The following MIB2 variants were observed in gnomAD, a reference collection of about 807,000 sequenced individuals.
MIB2 encodes the protein E3 ubiquitin-protein ligase MIB2.
A neutral mutation model predicts 96.6 loss-of-function variants in MIB2; 78 were observed. The ratio of observed to expected loss-of-function variants is 0.81; its 90% confidence interval spans 0.67 to 0.97. The LOEUF (loss-of-function observed/expected upper bound fraction) is 0.97, where lower values mean the gene tolerates loss of function less well. Among genes scored for constraint, MIB2 ranks in the 50% least tolerant of loss-of-function variants. MIB2 has a pLI of 0.00. For synonymous variants in MIB2, 820 were observed against 629.5 expected, an observed-to-expected ratio of 1.30 and a Z score of -4.53; for missense variants, 1,543 against 1,424.0, an observed-to-expected ratio of 1.08 and a Z score of -1.35.
chr1:1,615,778 G>A lies in MIB2; in HGVS notation c.-130+145G>A, dbSNP rs915691870. 1.1e-4 allele frequency: 150 copies of A among 1,391,620 alleles called. 3 individuals carry two copies. In the South Asian group the frequency reaches 1.7e-3, roughly 15 times the overall value. 86.2% of individuals were successfully genotyped at this position (1,391,620 alleles called of 1,614,324 possible). A position where few individuals can be genotyped will look rare whatever the true frequency, so the allele number is the denominator to read the frequency against. ...TGGACTCGGCGTAGGGTCCGCACGG[G>A]ATGGGCTGGGGCTGCGCGCGCAGCG... On this transcript the variant is annotated intron_variant, in intron 1 of 19. Transcript: ENST00000355826.
rs1328357873 is a variant in MIB2, at chr1:1,627,222, C to G, written c.1374+15C>G. 1.9e-6 allele frequency: 3 copies of G among 1,610,034 alleles called. No homozygotes were observed. The highest frequency in any genetic ancestry group is 2.5e-6 in the Non-Finnish European group (3 of 1,178,636). ...GCCCAGAGCAGGCAAGCTCCTGACCCCGTCCTCCCATACTGGCCAGTCTGA... is the reference window on the plus strand; with the variant it reads ...GCCCAGAGCAGGCAAGCTCCTGACCGCGTCCTCCCATACTGGCCAGTCTGA... On this transcript the variant is annotated intron_variant, in intron 11 of 19. Coordinates refer to ENST00000355826, the MANE Select transcript of MIB2 (RefSeq NM_001170687.4).
In MIB2 at chr1:1,623,503, C is replaced by T. The variant is rs368631060; in HGVS notation, c.51C>T (p.Arg17=). 54 of 1,566,322 alleles carry T rather than the reference C, an allele frequency of 3.4e-5. 1 individual carries two copies. Among genetic ancestry groups the T allele is most frequent in the Middle Eastern group, 1.9e-4 (1 of 5,228 alleles). The change falls in exon 3 of 20, where the codon CGC becomes CGT. Residue 17 remains arginine, a synonymous_variant. Coordinates refer to ENST00000355826, the MANE Select transcript of MIB2 (RefSeq NM_001170687.4). ...AGVQVGMRVV[R]GVDWKWGQQD... ...TGCAGGTGGGCATGCGGGTGGTGCG[C>T]GGCGTGGACTGGAAGTGGGGCCAGC...
rs971397482 is a variant in MIB2, at chr1:1,615,986, G to A, written c.-130+353G>A. 4.9e-5 allele frequency: 48 copies of A among 985,236 alleles called. No homozygotes were observed. The African/African-American group carries it at 8.2e-4, about 17-fold the overall frequency. The allele number at this position is 985,236 out of a possible 1,614,324, so 61.0% of individuals were successfully genotyped here. A position where few individuals can be genotyped will look rare whatever the true frequency, so the allele number is the denominator to read the frequency against. ...GGCCTGGCCGCCGCTGAGCAGTCGG[G>A]GCCGGTGGGTGGCCTCGAACGCCGG... On this transcript the variant is annotated intron_variant, in intron 1 of 19. Transcript: ENST00000355826.
At position 1,616,554 on chromosome 1, in the gene MIB2, C is replaced by G. The variant is rs1023762700; in HGVS notation, c.-83C>G. 1 of 1,603,630 alleles carries G rather than the reference C, an allele frequency of 6.2e-7. No individual in the cohort carries two copies. Among genetic ancestry groups the G allele is most frequent in the African/African-American group, 1.3e-5 (1 of 74,544 alleles). ...AGAGGCCAGTCCCAAAGTTTCCAGG[C>G]ATCAGGGCTGCAGCCCAGGAGCCTC... On this transcript the variant is annotated 5_prime_UTR_variant, in exon 2 of 20. Coordinates refer to ENST00000355826, the MANE Select transcript of MIB2 (RefSeq NM_001170687.4).
upstream of MIB2, chr1:1,615,152 C>T: frequency 2.5e-6 from 1 of 404,298 alleles, no homozygotes; most frequent in East Asian, 4.9e-5. Flanking sequence ...GAGGACGGGC[C>T]CGGACTGCCG....
chr1:1,628,515 C>T lies in MIB2; in HGVS notation c.1995C>T (p.Asn665=). 6.2e-7 allele frequency: 1 copy of T among 1,600,730 alleles called. No individual in the cohort carries two copies. The highest frequency in any genetic ancestry group is 1.1e-5 in the South Asian group (1 of 90,556). Residue 665 remains asparagine (N), a synonymous_variant, in exon 16 of 20, where the codon AAC becomes AAT. Transcript: ENST00000355826. ...GCCGCTGTGACGTGAACGTGCGCAA[C>T]CGGAAGCTGCAGTCCCCGCTGCATC... The part of the protein sequence containing the change: ...REGRCDVNVR[N]RKLQSPLHLA...
chr1:1,628,693 G>C lies in MIB2; in HGVS notation c.2173G>C (p.Asp725His), dbSNP rs199708127. Residue 725 changes from aspartate to histidine, a missense_variant, in exon 16 of 20, where the codon GAC becomes CAC. Transcript: ENST00000355826. ...CCTGGTGGCTGATGGGGCCGGGGGG[G>C]ACCCAGGGCCCTTGCAGCTGCTGTC... ...LPLVADGAGGDPGPLQLLSRL... is the reference protein window; with the variant it reads ...LPLVADGAGGHPGPLQLLSRL... The C allele has an allele frequency of 2.9e-4, 447 of 1,564,870 alleles. 2 individuals are homozygous for C. Among genetic ancestry groups the C allele is most frequent in the Middle Eastern group, 6.8e-4 (3 of 4,414 alleles).
At chr1:1,622,284 T>G (rs1644329297) in intron 2 of MIB2, among the ~76,000 whole-genome samples, 1 of 152,138 alleles carries the variant, frequency 6.6e-6, no homozygotes, top group Non-Finnish European at 1.5e-5. Flanking sequence ...CAGGCTGGAG[T>G]GTAGTGGTGC....
At position 1,628,861 on chromosome 1, in the gene MIB2, G is replaced by C. The variant is rs912334415; in HGVS notation, c.2202+139G>C. ...GGCGTTCTGGGGGTGGAGCAGATGG[G>C]AGCCAAGTTCTATGTGATCCTTCAG... On this transcript the variant is annotated intron_variant, in intron 16 of 19. Coordinates refer to ENST00000355826, the MANE Select transcript of MIB2 (RefSeq NM_001170687.4). The C allele has an allele frequency of 4.2e-5, 35 of 837,844 alleles. No individual in the cohort carries two copies. In the African/African-American group the frequency reaches 5.7e-4, roughly 14 times the overall value. The allele number at this position is 837,844 out of a possible 1,614,324, so 51.9% of individuals were successfully genotyped here.
At position 1,627,366 on chromosome 1, in the gene MIB2, G is replaced by A. The variant is rs766918869; in HGVS notation, c.1445G>A (p.Arg482Gln). The change falls in exon 12 of 20, where the codon CGG becomes CAG. Residue 482 changes from arginine (R) to glutamine (Q), a missense_variant. Arg to Gln is a conservative substitution (Grantham distance 43). Coordinates refer to ENST00000355826, the MANE Select transcript of MIB2 (RefSeq NM_001170687.4). ...AAYLGQVELI[R>Q]LLLQARAGVD... ...TACCTGGGCCAGGTGGAGTTGATAC[G>A]GCTGCTGCTACAAGCCAGGGCGGGC... is the stretch of plus-strand genomic sequence containing the variant. 3.2e-5 allele frequency: 52 copies of A among 1,612,934 alleles called. No homozygotes were observed. Among genetic ancestry groups the A allele is most frequent in the Non-Finnish European group, 2.3e-5 (27 of 1,179,970 alleles).
chr1:1,627,385 G>T lies in MIB2; in HGVS notation c.1464G>T (p.Arg488Ser), dbSNP rs559132846. 6.2e-7 allele frequency: 1 copy of T among 1,613,044 alleles called. No homozygotes were observed. The highest frequency in any genetic ancestry group is 1.3e-5 in the African/African-American group (1 of 75,054). Residue 488 changes from arginine (R) to serine (S), a missense_variant, in exon 12 of 20, where the codon AGG becomes AGT. Coordinates refer to ENST00000355826, the MANE Select transcript of MIB2 (RefSeq NM_001170687.4). ...TGATACGGCTGCTGCTACAAGCCAG[G>T]GCGGGCGTGGACCTGCCGGACGACG... ...VELIRLLLQA[R>S]AGVDLPDDEG...
Position 1,626,535 on chromosome 1 carries a change from G to T in MIB2, c.973-115G>T, listed in dbSNP as rs926666078. On this transcript the variant is annotated intron_variant, in intron 8 of 19. Coordinates refer to ENST00000355826, the MANE Select transcript of MIB2 (RefSeq NM_001170687.4). The surrounding 1 kb of genome is among the most constrained non-coding windows in gnomAD (Gnocchi z 5.3). ...AGTGCCTGGGGTCGGGGTCGGGGCC[G>T]GGGCCGAGTCAGGCCTGCCTGTCTC... 16 of 909,316 alleles carry T rather than the reference G, an allele frequency of 1.8e-5. No homozygotes were observed. The Admixed American group carries it at 2.1e-4, about 12-fold the overall frequency. The allele number at this position is 909,316 out of a possible 1,614,324, so 56.3% of individuals were successfully genotyped here. A position where few individuals can be genotyped will look rare whatever the true frequency, so the allele number is the denominator to read the frequency against.
chr1:1,629,369 C>T lies in MIB2; in HGVS notation c.2382-16C>T. 2 of 1,436,198 alleles carry T rather than the reference C, an allele frequency of 1.4e-6. No homozygotes were observed. The highest frequency in any genetic ancestry group is 1.8e-6 in the Non-Finnish European group (2 of 1,108,238). The allele number at this position is 1,436,198 out of a possible 1,614,324, so 89.0% of individuals were successfully genotyped here. A position where few individuals can be genotyped will look rare whatever the true frequency, so the allele number is the denominator to read the frequency against. On this transcript the variant is annotated splice_polypyrimidine_tract_variant and intron_variant, in intron 17 of 19. Transcript: ENST00000355826. ...CGGCCTCCGGGCCCCTCTCAAGCCG[C>T]CTCCTCCCCCTGCAGGGAGCGGCAG...
chr1:1,622,001 C>T (rs1356792759), intron 2 of MIB2, among the ~76,000 whole-genome samples: 2 of 152,264 alleles, frequency 1.3e-5, no homozygotes, highest in South Asian at 2.1e-4. Flanking sequence ...GCCAGGGTGT[C>T]TCCTGAACTG....
upstream of MIB2, chr1:1,615,265 C>T: frequency 8.5e-7 from 1 of 1,180,216 alleles, no homozygotes; most frequent in Non-Finnish European, 1.1e-6. Flanking sequence ...CCGCCAGTGC[C>T]AGCGAGCGCG....
chr1:1,629,802 C>T (rs1447068783), intron 19 of MIB2, 98 bp downstream of exon 19: 101 of 1,282,678 alleles, frequency 7.9e-5, no homozygotes, highest in Admixed American at 2.9e-4. Context: ...CCGCCCATGG[C>T]CCTTCCCCAG....
rs1645057814 is a variant in MIB2, at chr1:1,628,694, A to T, written c.2174A>T (p.Asp725Val). 3 of 1,560,960 alleles carry T rather than the reference A, an allele frequency of 1.9e-6. No individual in the cohort carries two copies. The highest frequency in any genetic ancestry group is 2.6e-6 in the Non-Finnish European group (3 of 1,154,304). Residue 725 changes from aspartate to valine, a missense_variant, in exon 16 of 20, where the codon GAC becomes GTC. Coordinates refer to ENST00000355826, the MANE Select transcript of MIB2 (RefSeq NM_001170687.4). ...CTGGTGGCTGATGGGGCCGGGGGGG[A>T]CCCAGGGCCCTTGCAGCTGCTGTCC... ...LPLVADGAGG[D>V]PGPLQLLSRL...
At position 1,625,894 on chromosome 1, in the gene MIB2, C is replaced by T. The variant is rs927079040; in HGVS notation, c.972+241C>T. 1.2e-5 allele frequency: 7 copies of T among 567,092 alleles called. No individual in the cohort carries two copies. The highest frequency in any genetic ancestry group is 2.9e-5 in the East Asian group (1 of 34,442). The allele number at this position is 567,092 out of a possible 1,614,324, so 35.1% of individuals were successfully genotyped here. On this transcript the variant is annotated intron_variant, in intron 8 of 19. Transcript: ENST00000355826. This position sits in a 1 kb window ranked among gnomAD's most constrained non-coding sequence, Gnocchi z 5.0. ...GGAGCTGGAATGGGCAGGTTAGGGC[C>T]TCCCTCTGTTCCAGGACACCAGGAA...
At chr1:1,624,071 C>G in intron 4 of MIB2, 126 bp downstream of exon 4, 1 of 1,230,480 alleles carries the variant, frequency 8.1e-7, no homozygotes. Context: ...CTCTCCAGAG[C>G]CGTGGCCTTA....
Sources: gnomAD v4.1 joint callset for allele counts (sites outside exome capture counted in the v4.1 genomes callset) on GRCh38, gnomAD v4.1.1 for gene constraint, Gnocchi (gnomAD v3.1) non-coding constraint, MANE v1.5 for transcripts, NCBI Gene and HGNC (gene_info 2026-07-23, HGNC 2026-07-21) for gene names.